WWOX: variants seen among roughly 807,000 people sequenced by gnomAD.
The protein encoded by WWOX is WW domain-containing oxidoreductase.
Under a neutral mutation model 46.2 loss-of-function variants are expected in WWOX, and 69 were observed. The ratio of observed to expected loss-of-function variants is 1.49; its 90% confidence interval spans 1.23 to 1.82. The LOEUF is 1.82. Ranked by LOEUF, WWOX falls within the 40% of genes most tolerant of loss-of-function variation. The pLI, the probability that WWOX is intolerant of heterozygous loss-of-function variation, is 0.00. For missense variants in WWOX, 919 were observed against 542.6 expected (o/e 1.69, Z -6.89); for synonymous variants, 359 against 202.6 (o/e 1.77, Z -6.56).
chr16:78,606,718 G>GTTTTTTTTTTTTTTTTTTTTTTTTT (rs59612285), intron 8 of WWOX, among the ~76,000 whole-genome samples: 1 of 121,078 alleles, frequency 8.3e-6, no homozygotes, highest in African/African-American at 3.4e-5. Flanking sequence ...CAGAATTGCA[G>GTTTTTTTTTTTTTTTTTTTTTTTTT]TTTTTTTTTT....
At chr16:78,626,909 A>T (rs901340959) in intron 8 of WWOX, among the ~76,000 whole-genome samples, 1 of 152,110 alleles carries the variant, frequency 6.6e-6, no homozygotes. Context: ...AGATGGAACA[A>T]TTTGGTCTTC....
intron 8 of WWOX, among the ~76,000 whole-genome samples, chr16:78,688,623 A>C (rs78866719): frequency 5.9e-5 from 9 of 152,104 alleles, no homozygotes; most frequent in African/African-American, 1.4e-4. Flanking sequence ...TACCGGGGCA[A>C]ATTTTCCCCC....
In WWOX at chr16:79,096,016, A is replaced by ATTTTTTT. The variant is rs57621801; in HGVS notation, c.1057-115576_1057-115570dup. Among the ~76,000 whole-genome samples the ATTTTTTT allele has an allele frequency of 1.0e-3, 85 of 81,974 alleles. 3 individuals are homozygous for ATTTTTTT. The highest frequency in any genetic ancestry group is 3.2e-3 in the African/African-American group (59 of 18,244). The allele number at this position is 81,974 out of a possible 152,430, so 53.8% of individuals were successfully genotyped here. ...AGGCATGCGCTGCCACACCCGGATA[A>ATTTTTTT]TTTTTTTTTTTTTTTTTTTTTTGGT... is the stretch of plus-strand genomic sequence containing the variant. On this transcript the variant is annotated intron_variant, in intron 8 of 8. Coordinates refer to ENST00000566780, the MANE Select transcript of WWOX (RefSeq NM_016373.4).
intron 8 of WWOX, among the ~76,000 whole-genome samples, chr16:78,934,337 C>CAACAAAAAAAAAAA (rs1555571758): frequency 5.1e-5 from 4 of 78,316 alleles, no homozygotes; most frequent in Non-Finnish European, 7.2e-5. Flanking sequence ...GTCTCCGTCT[C>CAACAAAAAAAAAAA]AAAAAAAAAA....
At chr16:78,945,114 A>C (rs762940327) in intron 8 of WWOX, among the ~76,000 whole-genome samples, 32 of 152,182 alleles carry the variant, frequency 2.1e-4, no homozygotes, top group Non-Finnish European at 4.0e-4. Flanking sequence ...TGGGATATCA[A>C]GGCTACAGTG....
rs377525574 is a variant in WWOX at position 78,900,838 on chromosome 16, C to T, written c.1057-310770C>T. ...AATAAAATTGTACTTTTAATCAGAGCCTTTTTTTGAAAAAAAAAAAAAAGA... is the reference window on the plus strand; with the variant it reads ...AATAAAATTGTACTTTTAATCAGAGTCTTTTTTTGAAAAAAAAAAAAAAGA... On this transcript the variant is annotated intron_variant, in intron 8 of 8. Transcript: ENST00000566780. 5.7e-3 allele frequency among the ~76,000 whole-genome samples: 561 copies of T among 97,650 alleles called. 6 individuals are homozygous for T. The highest frequency in any genetic ancestry group is 0.019 in the African/African-American group (522 of 27,998). 64.1% of individuals were successfully genotyped at this position (97,650 alleles called of 152,430 possible).
At chr16:78,790,066 C>G (rs1001340478) in intron 8 of WWOX, among the ~76,000 whole-genome samples, 1 of 152,174 alleles carries the variant, frequency 6.6e-6, no homozygotes, top group African/African-American at 2.4e-5. Flanking sequence ...TAGTATAACA[C>G]CTTGCACATA....
At chr16:78,745,788 A>G (rs960957677) in intron 8 of WWOX, among the ~76,000 whole-genome samples, 1 of 148,850 alleles carries the variant, frequency 6.7e-6, no homozygotes, top group Non-Finnish European at 1.5e-5. Context: ...AAATAGTTCC[A>G]AGACCAGAGT....
chr16:78,236,429 A>G (rs2037439424), intron 5 of WWOX, among the ~76,000 whole-genome samples: 1 of 152,164 alleles, frequency 6.6e-6, no homozygotes, highest in Admixed American at 6.5e-5. Flanking sequence ...CTTTTTTGAC[A>G]GACACATTAA....
chr16:79,212,402 C>CAT lies in WWOX; in HGVS notation c.*608_*609dup, dbSNP rs1491506258. The CAT allele has an allele frequency of 2.3e-6, 1 of 430,054 alleles. No individual in the cohort carries two copies. The highest frequency in any genetic ancestry group is 3.9e-5 in the Admixed American group (1 of 25,792). The allele number at this position is 430,054 out of a possible 1,614,324, so 26.6% of individuals were successfully genotyped here. On this transcript the variant is annotated 3_prime_UTR_variant, in exon 9 of 9. Transcript: ENST00000566780. ...AACTACCAGGTGGCAAAGTACTTGT[C>CAT]ATAGACTCCTTTGCTAATGCTATGC...
intron 6 of WWOX, among the ~76,000 whole-genome samples, chr16:78,410,910 C>G (rs765270861): frequency 1.3e-5 from 2 of 151,982 alleles, no homozygotes; most frequent in African/African-American, 4.8e-5. Context: ...AGGTCACTTC[C>G]TCATGAGCAT....
At chr16:78,715,550 C>T (rs754069307) in intron 8 of WWOX, among the ~76,000 whole-genome samples, 1 of 146,930 alleles carries the variant, frequency 6.8e-6, no homozygotes, top group African/African-American at 2.5e-5. Flanking sequence ...GTGGTGTGAT[C>T]TTGACTCATT....
intron 4 of WWOX, among the ~76,000 whole-genome samples, chr16:78,138,776 G>C (rs1029292677): frequency 6.6e-6 from 1 of 152,210 alleles, no homozygotes. Flanking sequence ...CGCTGCGGGA[G>C]AGTCCCAGCG....
chr16:79,159,880 T>G (rs958483837), intron 8 of WWOX, among the ~76,000 whole-genome samples: 17 of 152,176 alleles, frequency 1.1e-4, no homozygotes, highest in African/African-American at 3.9e-4. Context: ...TTGGGGTGTA[T>G]GCCGCACCTC....
At chr16:78,856,128 A>T (rs2052560441) in intron 8 of WWOX, among the ~76,000 whole-genome samples, 1 of 152,194 alleles carries the variant, frequency 6.6e-6, no homozygotes, top group African/African-American at 2.4e-5. Flanking sequence ...ATAGGAAAGG[A>T]GTTCAGGGTT....
At chr16:78,140,714 A>G (rs1162973562) in intron 4 of WWOX, among the ~76,000 whole-genome samples, 1 of 152,158 alleles carries the variant, frequency 6.6e-6, no homozygotes, top group African/African-American at 2.4e-5. Context: ...GTGAGAGCCC[A>G]CCTTAATGCC....
At chr16:79,190,060 C>T (rs1307011478) in intron 8 of WWOX, among the ~76,000 whole-genome samples, 2 of 152,074 alleles carry the variant, frequency 1.3e-5, no homozygotes, top group Non-Finnish European at 1.5e-5. Flanking sequence ...GAGACAGAGT[C>T]TCACTGAGTC....
Position 78,115,153 on chromosome 16 carries a change from A to G in WWOX, c.408A>G (p.Ile136Met). ...VVVVTGANSG[I>M]GFETAKSFAL... Reference sequence around the variant, plus strand: ...TGGTCACTGGAGCTAATTCAGGAATAGGTAGGCTCTTCACTTAGTTATTTA... The same window carrying G: ...TGGTCACTGGAGCTAATTCAGGAATGGGTAGGCTCTTCACTTAGTTATTTA... The change falls in exon 4 of 9, where the codon ATA (isoleucine) becomes ATG (methionine). Residue 136 changes from isoleucine (I) to methionine (M), a missense_variant and splice_region_variant. Physicochemically the swap from Ile to Met is conservative, Grantham distance 10 (BLOSUM62 1). Coordinates refer to ENST00000566780, the MANE Select transcript of WWOX (RefSeq NM_016373.4). The G allele has an allele frequency of 1.9e-6, 3 of 1,614,228 alleles. No homozygotes were observed. Among genetic ancestry groups the G allele is most frequent in the Non-Finnish European group, 2.5e-6 (3 of 1,180,034 alleles).
At chr16:78,894,745 A>G (rs2044664160) in intron 8 of WWOX, among the ~76,000 whole-genome samples, 1 of 152,184 alleles carries the variant, frequency 6.6e-6, no homozygotes, top group African/African-American at 2.4e-5. Context: ...AGATTGGGAA[A>G]GAAGACGGGA....
Sources: allele counts gnomAD v4.1 joint callset (sites outside exome capture counted in the v4.1 genomes callset), GRCh38; gene constraint gnomAD v4.1.1; transcripts MANE v1.5; gene names NCBI Gene and HGNC (gene_info 2026-07-23, HGNC 2026-07-21).